PRIM2: variants seen among roughly 807,000 people sequenced by gnomAD.
PRIM2 encodes DNA primase large subunit.
In PRIM2, 39 loss-of-function variants were observed where a neutral mutation model predicts 67.3. The ratio of observed to expected loss-of-function variants is 0.58; its 90% CI spans 0.45 to 0.76. PRIM2 has a LOEUF of 0.76. Among genes scored for constraint, PRIM2 ranks in the 30% least tolerant of loss-of-function variants. The pLI, the probability that PRIM2 is intolerant of heterozygous loss-of-function variation, is 0.00. For synonymous variants in PRIM2, 143 were observed against 198.7 expected (o/e 0.72, Z 2.36); for missense variants, 398 against 598.7 (o/e 0.66, Z 3.50).
At chr6:57,390,981 G>A (rs1770323614) in intron 7 of PRIM2, among the ~76,000 whole-genome samples, 1 of 152,008 alleles carries the variant, frequency 6.6e-6, no homozygotes, top group Admixed American at 6.6e-5. Flanking sequence ...CACATTGGTT[G>A]AACTAATTTA....
At chr6:57,354,599 T>A (rs893098176) in intron 5 of PRIM2, among the ~76,000 whole-genome samples, 2 of 152,188 alleles carry the variant, frequency 1.3e-5, no homozygotes, top group African/African-American at 4.8e-5. Flanking sequence ...CATATCCATT[T>A]GATTAGAGGC....
chr6:57,325,162 C>CATATTAAATTTTGTGAAATTATCAATTAT (rs1767802553), intron 4 of PRIM2, among the ~76,000 whole-genome samples: 14 of 152,110 alleles, frequency 9.2e-5, no homozygotes, highest in Admixed American at 7.9e-4. Flanking sequence ...AAGCCATAAG[C>CATATTAAATTTTGTGAAATTATCAATTAT]AAAGTTTCCT....
the PRIM2 span, among the ~76,000 whole-genome samples, chr6:57,309,764 T>C: frequency 3.3e-5 from 5 of 152,190 alleles, no homozygotes; most frequent in Non-Finnish European, 5.9e-5. Context: ...ATGGTTGAAC[T>C]AGTTTACAGT....
At chr6:57,558,074 C>A (rs1214007024) in intron 10 of PRIM2, among the ~76,000 whole-genome samples, 1 of 152,110 alleles carries the variant, frequency 6.6e-6, no homozygotes, top group Non-Finnish European at 1.5e-5. Flanking sequence ...GAGCCCAGAC[C>A]TATTTGCCAG....
chr6:57,255,543 ATATTTCCATCC>A, the PRIM2 span, among the ~76,000 whole-genome samples: 4 of 151,754 alleles, frequency 2.6e-5, no homozygotes, highest in East Asian at 1.9e-4. Flanking sequence ...TTGCATCCCT[ATATTTCCATCC>A]TATTTCCAAT....
intron 7 of PRIM2, among the ~76,000 whole-genome samples, chr6:57,415,644 G>A (rs542065487): frequency 0.012 from 1,884 of 152,194 alleles, 41 homozygotes; most frequent in African/African-American, 0.043. Context: ...TCAGTGTGCT[G>A]CATTATTTCA....
intron 3 of PRIM2, among the ~76,000 whole-genome samples, chr6:57,321,631 G>C (rs1767661494): frequency 6.6e-6 from 1 of 151,990 alleles, no homozygotes; most frequent in South Asian, 2.1e-4. Context: ...AGCCAAGGAG[G>C]GCTAGAGTTT....
intron 7 of PRIM2, among the ~76,000 whole-genome samples, chr6:57,419,315 GT>G (rs1300946404): frequency 1.3e-5 from 2 of 152,160 alleles, no homozygotes; most frequent in African/African-American, 4.8e-5. Context: ...AATTCAAAGG[GT>G]ATGTTGAACT....
intron 7 of PRIM2, among the ~76,000 whole-genome samples, chr6:57,455,019 A>G (rs1329877592): frequency 6.6e-6 from 1 of 152,042 alleles, no homozygotes; most frequent in African/African-American, 2.4e-5. Flanking sequence ...GACCATCTTT[A>G]TTTCTGCCTT....
At chr6:57,512,762 A>C (rs1554347831) in intron 8 of PRIM2, among the ~76,000 whole-genome samples, 1 of 151,870 alleles carries the variant, frequency 6.6e-6, no homozygotes, top group Non-Finnish European at 1.5e-5. Context: ...CACACCCAAT[A>C]AATTTTTTAT....
At chr6:57,258,378 T>C in the PRIM2 span, among the ~76,000 whole-genome samples, 1 of 151,768 alleles carries the variant, frequency 6.6e-6, no homozygotes, top group African/African-American at 2.4e-5. Flanking sequence ...CTGACGCAAA[T>C]GAGGTTTAAA....
chr6:57,418,416 T>TTTTTA, intron 7 of PRIM2, among the ~76,000 whole-genome samples: 1 of 122,288 alleles, frequency 8.2e-6, no homozygotes, highest in African/African-American at 3.3e-5. Context: ...TTTTTTTTTT[T>TTTTTA]TAACAGATTC....
intron 7 of PRIM2, among the ~76,000 whole-genome samples, chr6:57,428,861 A>G (rs1476961569): frequency 6.6e-6 from 1 of 152,178 alleles, no homozygotes; most frequent in Non-Finnish European, 1.5e-5. Context: ...TAAACTACAG[A>G]CCTTATTCAT....
intron 8 of PRIM2, among the ~76,000 whole-genome samples, chr6:57,508,798 C>T (rs1774300381): frequency 6.6e-6 from 1 of 152,092 alleles, no homozygotes; most frequent in African/African-American, 2.4e-5. Context: ...TACCTGTATT[C>T]TTTGCTCACT....
chr6:57,245,206 C>G, the PRIM2 span, among the ~76,000 whole-genome samples: 13 of 152,300 alleles, frequency 8.5e-5, no homozygotes, highest in African/African-American at 3.1e-4. Flanking sequence ...CAGGCCAGGT[C>G]ACCAGGATGC....
chr6:57,278,158 C>A, the PRIM2 span, among the ~76,000 whole-genome samples: 1 of 144,620 alleles, frequency 6.9e-6, no homozygotes, highest in South Asian at 2.1e-4. Context: ...GAAACCCTGT[C>A]TCTACCAAAA....
intron 5 of PRIM2, among the ~76,000 whole-genome samples, chr6:57,357,413 T>C (rs979990834): frequency 6.6e-6 from 1 of 152,212 alleles, no homozygotes; most frequent in Non-Finnish European, 1.5e-5. Context: ...ACCACTAATC[T>C]GTAAACTCTA....
intron 7 of PRIM2, among the ~76,000 whole-genome samples, chr6:57,403,802 C>T (rs1170249027): frequency 1.3e-5 from 2 of 151,946 alleles, no homozygotes; most frequent in Non-Finnish European, 2.9e-5. Context: ...TGCCCTCTTC[C>T]TTGGCAAGTA....
At chr6:57,387,610 A>G (rs1401197795) in intron 7 of PRIM2, among the ~76,000 whole-genome samples, 4 of 152,170 alleles carry the variant, frequency 2.6e-5, no homozygotes, top group Admixed American at 6.5e-5. Context: ...TTCAAAGGTA[A>G]GTATATTAAG....
Sources: gnomAD v4.1 joint callset for allele counts (sites outside exome capture counted in the v4.1 genomes callset) on GRCh38, gnomAD v4.1.1 for gene constraint, MANE v1.5 for transcripts, NCBI Gene and HGNC (gene_info 2026-07-23, HGNC 2026-07-21) for gene names.